The following IP6K1 variants were observed in gnomAD, a reference collection of about 807,000 sequenced individuals.
IP6K1 encodes the protein ATP:1D-myo-inositol-hexakisphosphate phosphotransferase.
Under a neutral mutation model 38.3 loss-of-function variants are expected in IP6K1, and 13 were observed. That is an observed-to-expected ratio of 0.34 (90% CI 0.22 to 0.54). The LOEUF (loss-of-function observed/expected upper bound fraction) is 0.54. Among genes scored for constraint, IP6K1 ranks in the 20% least tolerant of loss-of-function variants. The pLI, the probability that IP6K1 is intolerant of heterozygous loss-of-function variation, is 0.92. For synonymous variants in IP6K1, 212 were observed against 229.9 expected (o/e 0.92, Z 0.70); for missense variants, 397 against 599.8 (o/e 0.66, Z 3.53).
intron 1 of IP6K1, among the ~76,000 whole-genome samples, chr3:49,784,215 C>CT (rs2081091719): frequency 6.6e-6 from 1 of 151,906 alleles, no homozygotes; most frequent in East Asian, 1.9e-4. Context: ...AGGCTAATCT[C>CT]TTAACTACTG....
intron 4 of IP6K1, among the ~76,000 whole-genome samples, chr3:49,731,262 A>G (rs534766679): frequency 3.3e-4 from 50 of 152,252 alleles, no homozygotes; most frequent in African/African-American, 1.1e-3. Flanking sequence ...CAGACTTATC[A>G]TATGTCTGCC....
chr3:49,747,251 C>A (rs1016920589), intron 2 of IP6K1, among the ~76,000 whole-genome samples: 2 of 151,920 alleles, frequency 1.3e-5, no homozygotes, highest in African/African-American at 4.8e-5. Context: ...TGACAAAGAT[C>A]AGATTTTAAA....
rs575684578 is a variant in IP6K1, at chr3:49,766,807, A to G, written c.-128-18639T>C. On this transcript the variant is annotated intron_variant, in intron 1 of 5. Coordinates refer to ENST00000321599, the MANE Select transcript of IP6K1 (RefSeq NM_153273.4). ...ATGGCAAAACCCCGTCTCTACTAAA[A>G]ATACAAAAATTAGCGGGCATGGTGG... Among the ~76,000 whole-genome samples the G allele has an allele frequency of 2.0e-5, 3 of 151,122 alleles. No homozygotes were observed. The South Asian group carries it at 6.3e-4, about 32-fold the overall frequency.
chr3:49,762,813 C>A (rs1464790156), intron 1 of IP6K1, among the ~76,000 whole-genome samples: 1 of 151,590 alleles, frequency 6.6e-6, no homozygotes, highest in Non-Finnish European at 1.5e-5. Context: ...TACTCTGTGA[C>A]CCAGGCTGGA....
chr3:49,740,069 C>T (rs1477604091), intron 2 of IP6K1, among the ~76,000 whole-genome samples: 1 of 151,982 alleles, frequency 6.6e-6, no homozygotes, highest in African/African-American at 2.4e-5. Context: ...CACTGTAATT[C>T]CAGCTCTTTG....
At chr3:49,774,658 G>T (rs2080991176) in intron 1 of IP6K1, among the ~76,000 whole-genome samples, 1 of 152,126 alleles carries the variant, frequency 6.6e-6, no homozygotes, top group Admixed American at 6.6e-5. Flanking sequence ...GAATTTAAGG[G>T]ATGAATACTT....
chr3:49,724,733 G>C lies in IP6K1; in HGVS notation c.*2389C>G, dbSNP rs1026174536. ...AACTAGCACAGGTGCCAGGCCCCTT[G>C]ATGGGAATCCCCATGCTCACTGCAC... is the stretch of plus-strand genomic sequence containing the variant. On this transcript the variant is annotated 3_prime_UTR_variant, in exon 6 of 6. Transcript: ENST00000321599. 1 of 152,684 alleles carries C rather than the reference G, an allele frequency of 6.5e-6. No homozygotes were observed. Among genetic ancestry groups the C allele is most frequent in the Non-Finnish European group, 1.5e-5 (1 of 68,098 alleles). The allele number at this position is 152,684 out of a possible 1,614,324, so 9.5% of individuals were successfully genotyped here.
chr3:49,753,897 T>C (rs1407019538), intron 1 of IP6K1, among the ~76,000 whole-genome samples: 1 of 151,996 alleles, frequency 6.6e-6, no homozygotes, highest in Admixed American at 6.6e-5. Context: ...GAAGGAAAAA[T>C]AGGTTTAAAT....
chr3:49,766,984 A>AAG (rs2080918079), intron 1 of IP6K1, among the ~76,000 whole-genome samples: 3 of 145,884 alleles, frequency 2.1e-5, no homozygotes, highest in Non-Finnish European at 3.0e-5. Flanking sequence ...AAAAAAAAAA[A>AAG]AAAGAAAGAA....
intron 2 of IP6K1, among the ~76,000 whole-genome samples, chr3:49,743,067 A>C (rs2080685607): frequency 6.6e-6 from 1 of 151,882 alleles, no homozygotes; most frequent in Non-Finnish European, 1.5e-5. Context: ...ATCTCTACTA[A>C]AAATACAAAA....
intron 1 of IP6K1, among the ~76,000 whole-genome samples, chr3:49,768,214 G>C (rs2080928246): frequency 6.6e-6 from 1 of 152,118 alleles, no homozygotes. Flanking sequence ...GAACTGAAAG[G>C]AGGAATCCAA....
Position 49,731,887 on chromosome 3 carries a change from C to CAAAAAAAAAAAAAAAAAAA in IP6K1, c.616+903_616+904insTTTTTTTTTTTTTTTTTTT, listed in dbSNP as rs71080545. Among the ~76,000 whole-genome samples, 193 of 65,316 alleles carry CAAAAAAAAAAAAAAAAAAA rather than the reference C, an allele frequency of 3.0e-3. 35 individuals carry two copies. Among genetic ancestry groups the CAAAAAAAAAAAAAAAAAAA allele is most frequent in the East Asian group, 8.5e-3 (10 of 1,178 alleles). 42.8% of individuals were successfully genotyped at this position (65,316 alleles called of 152,430 possible). A position where few individuals can be genotyped will look rare whatever the true frequency, so the allele number is the denominator to read the frequency against. On this transcript the variant is annotated intron_variant, in intron 4 of 5. Coordinates refer to ENST00000321599, the MANE Select transcript of IP6K1 (RefSeq NM_153273.4). Reference sequence around the variant, plus strand: ...TGGGTAACAGAGTGAGACTCTGTCTCAAAAAAAAAAAAAAAAAAGGAATTC... The same window carrying CAAAAAAAAAAAAAAAAAAA: ...TGGGTAACAGAGTGAGACTCTGTCTCAAAAAAAAAAAAAAAAAAAAAAAAAAAAAAAAAAAAAGGAATTC...
chr3:49,746,211 CA>C (rs1385134047), intron 2 of IP6K1, among the ~76,000 whole-genome samples: 1 of 151,716 alleles, frequency 6.6e-6, no homozygotes, highest in African/African-American at 2.4e-5. Flanking sequence ...GGCATATACC[CA>C]AAAGAATTAA....
At chr3:49,754,175 T>G (rs1037325823) in intron 1 of IP6K1, among the ~76,000 whole-genome samples, 2 of 150,882 alleles carry the variant, frequency 1.3e-5, no homozygotes, top group Admixed American at 6.7e-5. Flanking sequence ...GAGACCAGCA[T>G]AGGCAACATG....
intron 1 of IP6K1, among the ~76,000 whole-genome samples, chr3:49,771,945 G>A (rs965803601): frequency 2.0e-5 from 3 of 152,150 alleles, no homozygotes; most frequent in Non-Finnish European, 4.4e-5. Context: ...CAGGCGTGGT[G>A]GCTCACACCT....
chr3:49,770,725 G>A (rs1057196195), intron 1 of IP6K1, among the ~76,000 whole-genome samples: 1 of 152,142 alleles, frequency 6.6e-6, no homozygotes, highest in Non-Finnish European at 1.5e-5. Context: ...GGTAGGCAAG[G>A]TGTCCTCAGA....
intron 1 of IP6K1, among the ~76,000 whole-genome samples, chr3:49,757,311 A>G (rs1485125422): frequency 2.0e-5 from 3 of 152,362 alleles, no homozygotes; most frequent in African/African-American, 7.2e-5. Context: ...CGTTAAGCAC[A>G]GTGGGGACAA....
rs147499631 is a variant in IP6K1, at chr3:49,727,523, C to T, written c.925G>A (p.Glu309Lys). 6.8e-6 allele frequency: 11 copies of T among 1,614,094 alleles called. No individual in the cohort carries two copies. In the African/African-American group the frequency reaches 1.5e-4, roughly 22 times the overall value. ...NGLDLRRDLF[E>K]PILSKLRGLK... is the part of the protein sequence containing the mutation. Reference sequence around the variant, plus strand: ...CCCCGCAGTTTGCTCAGGATAGGCTCAAACAGGTCACGTCGCAGGTCCAGG... The same window carrying T: ...CCCCGCAGTTTGCTCAGGATAGGCTTAAACAGGTCACGTCGCAGGTCCAGG... The change falls in exon 6 of 6, where the codon GAG becomes AAG. Residue 309 changes from glutamate to lysine, a missense_variant. By Grantham distance (56) the Glu-to-Lys change is moderately conservative (BLOSUM62 1). This residue lies in a region of IP6K1 where 164 missense variants were observed against 213.5 expected (regional missense o/e 0.77). Coordinates refer to ENST00000321599, the MANE Select transcript of IP6K1 (RefSeq NM_153273.4). This position sits in a 1 kb window ranked among gnomAD's most constrained non-coding sequence, Gnocchi z 5.9.
At chr3:49,744,621 T>C (rs865889195) in intron 2 of IP6K1, among the ~76,000 whole-genome samples, 1 of 152,124 alleles carries the variant, frequency 6.6e-6, no homozygotes, top group Non-Finnish European at 1.5e-5. Flanking sequence ...TCTAGGCTTG[T>C]CTTATAATTT....
Sources: gnomAD v4.1 joint callset for allele counts (sites outside exome capture counted in the v4.1 genomes callset) on GRCh38, gnomAD v4.1.1 for gene constraint, gnomAD v4.1.1 regional missense constraint, Gnocchi (gnomAD v3.1) non-coding constraint, MANE v1.5 for transcripts, NCBI Gene and HGNC (gene_info 2026-07-23, HGNC 2026-07-21) for gene names.